The following TAFA4 variants were observed in gnomAD, a reference collection of about 807,000 sequenced individuals.
TAFA4 encodes the protein TAFA chemokine like family member 4.
A neutral mutation model predicts 21.1 loss-of-function variants in TAFA4; 20 were observed. The observed-to-expected ratio is 0.95, with a 90% CI of 0.67 to 1.38. The LOEUF is 1.38. TAFA4 is among the 40% of genes most tolerant of loss of function. The pLI is 0.00. For missense variants in TAFA4, 211 were observed against 180.9 expected (o/e 1.17, Z -0.95); for synonymous variants, 71 against 67.4 (o/e 1.05, Z -0.26).
intron 3 of TAFA4, among the ~76,000 whole-genome samples, chr3:68,783,668 A>G (rs1340912286): frequency 2.7e-5 from 2 of 75,392 alleles, no homozygotes; most frequent in African/African-American, 1.0e-4. Context: ...ACAGACACAC[A>G]CACACAGAGA....
intron 3 of TAFA4, among the ~76,000 whole-genome samples, chr3:68,853,032 G>T (rs969298651): frequency 6.6e-6 from 1 of 152,118 alleles, no homozygotes; most frequent in Non-Finnish European, 1.5e-5. Flanking sequence ...AAAACTGAGG[G>T]TTCTTAAACA....
intron 3 of TAFA4, among the ~76,000 whole-genome samples, chr3:68,872,686 T>C (rs1436507510): frequency 1.3e-5 from 2 of 152,124 alleles, no homozygotes; most frequent in African/African-American, 4.8e-5. Context: ...ACAACTATTA[T>C]GTAGCAATAA....
At chr3:68,805,598 A>G (rs1232491543) in intron 3 of TAFA4, among the ~76,000 whole-genome samples, 1 of 152,250 alleles carries the variant, frequency 6.6e-6, no homozygotes, top group Non-Finnish European at 1.5e-5. Context: ...AATGTGGCAC[A>G]TATACACCAT....
At chr3:68,757,252 G>A (rs890829931) in intron 3 of TAFA4, among the ~76,000 whole-genome samples, 14 of 152,122 alleles carry the variant, frequency 9.2e-5, no homozygotes, top group Admixed American at 3.3e-4. Flanking sequence ...GTCCTCACAT[G>A]GAGGACAGAA....
intron 3 of TAFA4, among the ~76,000 whole-genome samples, chr3:68,782,594 A>G (rs951038702): frequency 2.6e-5 from 4 of 152,250 alleles, no homozygotes; most frequent in African/African-American, 9.6e-5. Context: ...TACAACATGA[A>G]TGAACCTTAA....
chr3:68,843,831 A>T (rs1233313944), intron 3 of TAFA4, among the ~76,000 whole-genome samples: 2 of 152,178 alleles, frequency 1.3e-5, no homozygotes, highest in African/African-American at 4.8e-5. Context: ...ATTTATTTTC[A>T]TATGTTGAAT....
At chr3:68,815,259 G>C (rs1004849724) in intron 3 of TAFA4, among the ~76,000 whole-genome samples, 13 of 152,142 alleles carry the variant, frequency 8.5e-5, no homozygotes, top group Non-Finnish European at 1.5e-4. Flanking sequence ...CATGGGCAAG[G>C]ACTTCATGTC....
chr3:68,740,382 T>C (rs1702327223), intron 4 of TAFA4, among the ~76,000 whole-genome samples: 1 of 152,208 alleles, frequency 6.6e-6, no homozygotes, highest in Non-Finnish European at 1.5e-5. Context: ...CATGCCATTC[T>C]AGTGAGTGGA....
intron 5 of TAFA4, among the ~76,000 whole-genome samples, chr3:68,733,518 G>A (rs188497361): frequency 6.6e-6 from 1 of 152,300 alleles, no homozygotes; most frequent in African/African-American, 2.4e-5. Context: ...ATCAGTGCAT[G>A]TCAAGATAAA....
chr3:68,740,163 A>T (rs1203609772), intron 4 of TAFA4, among the ~76,000 whole-genome samples: 1 of 152,176 alleles, frequency 6.6e-6, no homozygotes, highest in East Asian at 1.9e-4. Flanking sequence ...TCACCCCAGG[A>T]TGTTAAGAGG....
intron 1 of TAFA4, among the ~76,000 whole-genome samples, chr3:68,917,447 G>A (rs1005724578): frequency 1.3e-5 from 2 of 151,988 alleles, no homozygotes; most frequent in African/African-American, 4.8e-5. Context: ...GTGTCAGTGT[G>A]GAACAGACTG....
At chr3:68,817,258 G>C (rs1362323134) in intron 3 of TAFA4, among the ~76,000 whole-genome samples, 1 of 152,174 alleles carries the variant, frequency 6.6e-6, no homozygotes, top group South Asian at 2.1e-4. Flanking sequence ...TCATCCGTAA[G>C]AAGCAACCCC....
intron 3 of TAFA4, among the ~76,000 whole-genome samples, chr3:68,806,203 T>C (rs1357832949): frequency 2.0e-5 from 3 of 151,988 alleles, no homozygotes. Context: ...AATAATACTT[T>C]CCCCGAAGTC....
chr3:68,815,210 C>G (rs1240773958), intron 3 of TAFA4, among the ~76,000 whole-genome samples: 1 of 152,050 alleles, frequency 6.6e-6, no homozygotes, highest in Non-Finnish European at 1.5e-5. Flanking sequence ...CCATAAAAAC[C>G]CTAGAAGAAA....
chr3:68,879,942 T>A (rs2089596525), intron 3 of TAFA4, among the ~76,000 whole-genome samples: 1 of 152,002 alleles, frequency 6.6e-6, no homozygotes, highest in South Asian at 2.1e-4. Flanking sequence ...GCTGAGAGAG[T>A]AAATTAATTG....
chr3:68,864,807 C>T (rs1318752717), intron 3 of TAFA4, among the ~76,000 whole-genome samples: 1 of 151,792 alleles, frequency 6.6e-6, no homozygotes, highest in Non-Finnish European at 1.5e-5. Context: ...AAAAAAGAAC[C>T]CATATATATG....
chr3:68,829,094 A>G (rs558226995), intron 3 of TAFA4, among the ~76,000 whole-genome samples: 2 of 152,326 alleles, frequency 1.3e-5, no homozygotes, highest in East Asian at 3.9e-4. Context: ...TAGCCAAGAC[A>G]ATTCTAAGCA....
At chr3:68,777,905 C>T (rs567885554) in intron 3 of TAFA4, among the ~76,000 whole-genome samples, 2 of 152,242 alleles carry the variant, frequency 1.3e-5, no homozygotes, top group East Asian at 3.9e-4. Context: ...ACCATATAAC[C>T]TAGGTGTGTA....
chr3:68,913,558 T>C (rs2089979275), intron 1 of TAFA4: 1 of 152,230 alleles, frequency 6.6e-6, no homozygotes, highest in Non-Finnish European at 1.5e-5. Flanking sequence ...ATGTGTTTTA[T>C]TTAGCAGAAT....
Sources: gnomAD v4.1 joint callset for allele counts (sites outside exome capture counted in the v4.1 genomes callset) on GRCh38, gnomAD v4.1.1 for gene constraint, MANE v1.5 for transcripts, NCBI Gene and HGNC (gene_info 2026-07-23, HGNC 2026-07-21) for gene names.